SPACA7: variants seen among roughly 807,000 people sequenced by gnomAD.
SPACA7 encodes the protein sperm acrosome-associated protein 7.
A neutral mutation model predicts 26.3 loss-of-function variants in SPACA7; 19 were observed. That is an observed-to-expected ratio of 0.72 (90% confidence interval 0.50 to 1.06). SPACA7 has a LOEUF of 1.06. Ranked by LOEUF, SPACA7 falls within the 50% of genes least tolerant of loss-of-function variation. SPACA7 has a pLI of 0.00. For missense variants in SPACA7, 211 were observed against 229.9 expected, an observed-to-expected ratio of 0.92 and a Z score of 0.53; for synonymous variants, 84 against 84.5, an observed-to-expected ratio of 0.99 and a Z score of 0.04.
intron 5 of SPACA7, among the ~76,000 whole-genome samples, chr13:112,430,909 C>A (rs1197601730): frequency 6.6e-6 from 1 of 152,152 alleles, no homozygotes; most frequent in Non-Finnish European, 1.5e-5. Flanking sequence ...GAATTATCTG[C>A]CAAAATTTTC....
At chr13:112,393,372 G>A (rs1453919051) in intron 2 of SPACA7, among the ~76,000 whole-genome samples, 1 of 150,900 alleles carries the variant, frequency 6.6e-6, no homozygotes, top group Non-Finnish European at 1.5e-5. Flanking sequence ...TCTGGTTTGG[G>A]GAGCTTGTTA....
chr13:112,428,500 A>G (rs1263953561), intron 5 of SPACA7, among the ~76,000 whole-genome samples: 1 of 152,064 alleles, frequency 6.6e-6, no homozygotes, highest in African/African-American at 2.4e-5. Context: ...GAATCACTTG[A>G]CCCCAGGCAG....
chr13:112,426,214 G>A (rs11618635), intron 5 of SPACA7, among the ~76,000 whole-genome samples: 40,399 of 152,048 alleles, frequency 0.27, 6,148 homozygotes, highest in Non-Finnish European at 0.35. Flanking sequence ...CATATTTGTC[G>A]AAAATCAGTT....
chr13:112,393,828 A>C (rs1165796815), intron 2 of SPACA7, among the ~76,000 whole-genome samples: 2 of 152,166 alleles, frequency 1.3e-5, no homozygotes, highest in Non-Finnish European at 2.9e-5. Flanking sequence ...TCTACTAAAA[A>C]TACAAAAATT....
intron 5 of SPACA7, among the ~76,000 whole-genome samples, chr13:112,424,548 T>C (rs2139058217): frequency 6.6e-6 from 1 of 152,176 alleles, no homozygotes; most frequent in South Asian, 2.1e-4. Context: ...GAAAAATCCA[T>C]CCTGAAATTC....
chr13:112,425,660 G>T lies in SPACA7; in HGVS notation c.446-6784G>T, dbSNP rs138265283. Among the ~76,000 whole-genome samples, 507 of 152,330 alleles carry T rather than the reference G, an allele frequency of 3.3e-3. 1 individual carries two copies. The highest frequency in any genetic ancestry group is 0.012 in the African/African-American group (484 of 41,576). ...AGAGAGACAGAGAGAGAGAGACAGG[G>T]AGACAAAGAAGATGTGTGAGAGAGA... On this transcript the variant is annotated intron_variant, in intron 5 of 6. Transcript: ENST00000283550.
intron 1 of SPACA7, among the ~76,000 whole-genome samples, chr13:112,392,321 G>C (rs1012511775): frequency 6.6e-6 from 1 of 152,186 alleles, no homozygotes. Flanking sequence ...GGCAGCCGAG[G>C]CCACAGGTCA....
At chr13:112,409,809 G>T (rs145887028) in intron 5 of SPACA7, among the ~76,000 whole-genome samples, 1 of 152,144 alleles carries the variant, frequency 6.6e-6, no homozygotes, top group Admixed American at 6.5e-5. Context: ...TCAGTGTGGC[G>T]ATTCCTCAAG....
At chr13:112,377,709 A>G (rs1001390041) in intron 1 of SPACA7, among the ~76,000 whole-genome samples, 1 of 152,220 alleles carries the variant, frequency 6.6e-6, no homozygotes, top group Non-Finnish European at 1.5e-5. Context: ...GGAGCCTGGC[A>G]TGAGGTAAGT....
intron 5 of SPACA7, among the ~76,000 whole-genome samples, chr13:112,418,673 G>T (rs1886838672): frequency 6.6e-6 from 1 of 152,194 alleles, no homozygotes; most frequent in South Asian, 2.1e-4. Context: ...ACAGACAATA[G>T]CTCTGCCAAA....
chr13:112,400,936 C>T (rs769294249), intron 4 of SPACA7, 133 bp from the exon 5 acceptor site: 23 of 685,944 alleles, frequency 3.4e-5, no homozygotes, highest in Non-Finnish European at 4.2e-5. Context: ...GTTTCCAAAA[C>T]ATATTTTCAA....
chr13:112,429,553 A>G (rs900019918), intron 5 of SPACA7, among the ~76,000 whole-genome samples: 4 of 152,136 alleles, frequency 2.6e-5, no homozygotes, highest in African/African-American at 9.7e-5. Context: ...GGGGTTTCTT[A>G]TAGACAGCGT....
intron 5 of SPACA7, among the ~76,000 whole-genome samples, chr13:112,417,657 A>C (rs1886777038): frequency 6.6e-6 from 1 of 152,064 alleles, no homozygotes; most frequent in South Asian, 2.1e-4. Flanking sequence ...GTGCTTTTTA[A>C]GTTCTTTCTC....
chr13:112,380,142 T>G (rs1306556304), intron 1 of SPACA7, among the ~76,000 whole-genome samples: 3 of 152,080 alleles, frequency 2.0e-5, no homozygotes, highest in Admixed American at 2.0e-4. Flanking sequence ...AGGCCTGGCG[T>G]GGTGGCTCAT....
At chr13:112,401,238 C>A (rs1885622318) in intron 5 of SPACA7, 74 bp downstream of exon 5, 3 of 1,198,060 alleles carry the variant, frequency 2.5e-6, no homozygotes, top group Non-Finnish European at 3.7e-6. Flanking sequence ...GACTGTCTCC[C>A]TCCAGCCTCG....
chr13:112,386,148 A>G (rs1884512129), intron 1 of SPACA7, among the ~76,000 whole-genome samples: 1 of 152,250 alleles, frequency 6.6e-6, no homozygotes. Context: ...AAAGCCAGTC[A>G]GCCCATGTTG....
chr13:112,425,260 GA>G (rs1555330268), intron 5 of SPACA7, among the ~76,000 whole-genome samples: 2 of 151,900 alleles, frequency 1.3e-5, no homozygotes, highest in Non-Finnish European at 2.9e-5. Flanking sequence ...GGCATGAGTT[GA>G]AAAAAAAGTT....
chr13:112,418,109 C>T (rs1927676), intron 5 of SPACA7, among the ~76,000 whole-genome samples: 39,074 of 151,878 alleles, frequency 0.26, 5,403 homozygotes, highest in South Asian at 0.37. Context: ...TTTGTGTTTG[C>T]CAACGTTGAA....
chr13:112,396,506 A>G (rs1460591265), intron 2 of SPACA7, among the ~76,000 whole-genome samples: 3 of 152,126 alleles, frequency 2.0e-5, no homozygotes, highest in Non-Finnish European at 4.4e-5. Flanking sequence ...TGGGGTAGAG[A>G]CCAGGGACTG....
Sources: gnomAD v4.1 joint callset for allele counts (sites outside exome capture counted in the v4.1 genomes callset) on GRCh38, gnomAD v4.1.1 for gene constraint, MANE v1.5 for transcripts, NCBI Gene and HGNC (gene_info 2026-07-23, HGNC 2026-07-21) for gene names.